Variants in CTNNA3 observed in about 807,000 individuals in gnomAD.
CTNNA3 encodes catenin alpha 3.
CTNNA3 carries 76 observed loss-of-function variants against 95.7 expected under a neutral mutation model. The observed-to-expected ratio is 0.79, with a 90% CI of 0.66 to 0.96. CTNNA3 has a LOEUF of 0.96. Among genes scored for constraint, CTNNA3 ranks in the 40% least tolerant of loss-of-function variants. CTNNA3 has a pLI of 0.00. For synonymous variants in CTNNA3, 431 were observed against 374.4 expected, an observed-to-expected ratio of 1.15 and a Z score of -1.74; for missense variants, 1,191 against 1,089.8, an observed-to-expected ratio of 1.09 and a Z score of -1.31.
At chr10:67,714,379 C>T (rs9651327) in intron 1 of CTNNA3, among the ~76,000 whole-genome samples, 18,615 of 152,256 alleles carry the variant, frequency 0.12, 1,275 homozygotes, top group Non-Finnish European at 0.16. Flanking sequence ...CAAAGGAGAT[C>T]ATTCTGGAGC....
At chr10:67,612,435 T>C (rs1843491297) in intron 2 of CTNNA3, among the ~76,000 whole-genome samples, 1 of 151,876 alleles carries the variant, frequency 6.6e-6, no homozygotes, top group African/African-American at 2.4e-5. Context: ...CCAGAAGAGA[T>C]AAAAGGGAGG....
chr10:67,251,506 A>C (rs777554181), intron 5 of CTNNA3, among the ~76,000 whole-genome samples: 1 of 152,222 alleles, frequency 6.6e-6, no homozygotes, highest in Non-Finnish European at 1.5e-5. Context: ...GAGTGGTTAG[A>C]AATAAAGACA....
At chr10:67,286,036 T>A (rs1839590590) in intron 5 of CTNNA3, among the ~76,000 whole-genome samples, 1 of 152,202 alleles carries the variant, frequency 6.6e-6, no homozygotes, top group South Asian at 2.1e-4. Flanking sequence ...TTAAAATTAA[T>A]GGGCTGGGCC....
intron 13 of CTNNA3, among the ~76,000 whole-genome samples, chr10:66,266,469 G>A (rs1223492630): frequency 1.3e-5 from 2 of 152,028 alleles, no homozygotes; most frequent in Admixed American, 6.6e-5. Flanking sequence ...GCATTAATTG[G>A]TGAGTTCATA....
intron 13 of CTNNA3, among the ~76,000 whole-genome samples, chr10:66,221,019 C>T (rs1465343112): frequency 1.3e-5 from 2 of 152,152 alleles, no homozygotes; most frequent in African/African-American, 4.8e-5. Flanking sequence ...CGCTTCTACC[C>T]AGTATTTCCC....
At chr10:66,755,166 T>C (rs908812845) in intron 9 of CTNNA3, among the ~76,000 whole-genome samples, 2 of 152,132 alleles carry the variant, frequency 1.3e-5, no homozygotes, top group Non-Finnish European at 2.9e-5. Flanking sequence ...TACACATAGG[T>C]GAACCTTGAA....
At chr10:67,045,328 C>T (rs1481468165) in intron 7 of CTNNA3, among the ~76,000 whole-genome samples, 1 of 152,112 alleles carries the variant, frequency 6.6e-6, no homozygotes, top group African/African-American at 2.4e-5. Flanking sequence ...TAAAGAACCA[C>T]AGGAGATTGA....
At chr10:66,011,224 C>T (rs1554829363) in intron 15 of CTNNA3, among the ~76,000 whole-genome samples, 1 of 152,162 alleles carries the variant, frequency 6.6e-6, no homozygotes, top group Non-Finnish European at 1.5e-5. Context: ...GGGTTCTACT[C>T]CCTTTTCTCT....
chr10:67,588,793 T>C (rs554796458), intron 3 of CTNNA3, among the ~76,000 whole-genome samples: 1 of 152,206 alleles, frequency 6.6e-6, no homozygotes, highest in South Asian at 2.1e-4. Context: ...TGTGTTAGAT[T>C]TTTAGAAATC....
At chr10:67,654,633 G>A (rs12411623) in intron 1 of CTNNA3, among the ~76,000 whole-genome samples, 20,197 of 151,886 alleles carry the variant, frequency 0.13, 2,415 homozygotes, top group African/African-American at 0.32. Flanking sequence ...GACCACAGGC[G>A]CGCACCACCA....
chr10:67,308,397 G>A (rs1359119733), intron 5 of CTNNA3, among the ~76,000 whole-genome samples: 4 of 152,134 alleles, frequency 2.6e-5, no homozygotes, highest in African/African-American at 9.7e-5. Context: ...CCCTGCACAT[G>A]CTCTCTTGCC....
chr10:67,298,219 C>T (rs1307728650), intron 5 of CTNNA3, among the ~76,000 whole-genome samples: 2 of 152,176 alleles, frequency 1.3e-5, no homozygotes, highest in Non-Finnish European at 2.9e-5. Context: ...CAGAGACCTT[C>T]CTTTCTCCTG....
At chr10:66,265,321 T>C (rs1210291756) in intron 13 of CTNNA3, among the ~76,000 whole-genome samples, 1 of 151,984 alleles carries the variant, frequency 6.6e-6, no homozygotes, top group African/African-American at 2.4e-5. Flanking sequence ...GGTATTCTCC[T>C]TTATCACACT....
chr10:66,613,070 C>T (rs2132290649), intron 10 of CTNNA3, among the ~76,000 whole-genome samples: 1 of 152,212 alleles, frequency 6.6e-6, no homozygotes, highest in Middle Eastern at 3.4e-3. Flanking sequence ...AATATCACAG[C>T]ACACACCATG....
intron 5 of CTNNA3, among the ~76,000 whole-genome samples, chr10:67,351,240 A>C (rs1431267628): frequency 6.6e-6 from 1 of 151,838 alleles, no homozygotes; most frequent in Non-Finnish European, 1.5e-5. Flanking sequence ...AGATAAGAGA[A>C]TATTAGAGGA....
intron 11 of CTNNA3, among the ~76,000 whole-genome samples, chr10:66,489,581 T>TGTGCAC (rs776052327): frequency 1.5e-4 from 23 of 152,106 alleles, no homozygotes; most frequent in Admixed American, 3.9e-4. Flanking sequence ...CACACACACT[T>TGTGCAC]GTGCATGCAC....
chr10:66,274,590 T>G (rs2091352490), intron 13 of CTNNA3, among the ~76,000 whole-genome samples: 1 of 152,232 alleles, frequency 6.6e-6, no homozygotes, highest in South Asian at 2.1e-4. Flanking sequence ...AGCCCTAATT[T>G]GTAATTTGGT....
intron 3 of CTNNA3, among the ~76,000 whole-genome samples, chr10:67,546,169 T>C (rs1235977823): frequency 2.6e-5 from 4 of 152,156 alleles, no homozygotes; most frequent in African/African-American, 7.2e-5. Context: ...GCTCTCACTT[T>C]GTCACCTAGG....
chr10:67,294,003 C>G (rs991970760), intron 5 of CTNNA3, among the ~76,000 whole-genome samples: 5 of 152,010 alleles, frequency 3.3e-5, no homozygotes, highest in Non-Finnish European at 1.5e-5. Flanking sequence ...TTTAAGTGCT[C>G]TAGGTTCAAT....
Sources: gnomAD v4.1 joint callset for allele counts (sites outside exome capture counted in the v4.1 genomes callset) on GRCh38, gnomAD v4.1.1 for gene constraint, MANE v1.5 for transcripts, NCBI Gene and HGNC (gene_info 2026-07-23, HGNC 2026-07-21) for gene names.